SGK3: variants seen among roughly 807,000 people sequenced by gnomAD.
SGK3 encodes serine/threonine-protein kinase Sgk3.
A neutral mutation model predicts 68.5 loss-of-function variants in SGK3; 47 were observed. The ratio of observed to expected loss-of-function variants is 0.69; its 90% confidence interval spans 0.54 to 0.87. The LOEUF (loss-of-function observed/expected upper bound fraction) is 0.87. SGK3 is among the 40% of genes least tolerant of loss of function. SGK3 has a pLI of 0.00. For synonymous variants in SGK3, 181 were observed against 189.1 expected (o/e 0.96, Z 0.35); for missense variants, 479 against 575.5 (o/e 0.83, Z 1.72).
chr8:66,795,255 T>C (rs985089839), intron 2 of SGK3, among the ~76,000 whole-genome samples: 2 of 152,190 alleles, frequency 1.3e-5, no homozygotes, highest in South Asian at 4.1e-4. Flanking sequence ...CTCTGTCCTC[T>C]CTTCCTTAAC....
At chr8:66,840,985 T>A in intron 12 of SGK3, 39 bp from the exon 13 acceptor site, 2 of 1,423,576 alleles carry the variant, frequency 1.4e-6, no homozygotes, top group Non-Finnish European at 1.9e-6. Flanking sequence ...CAATTCATAT[T>A]TATGCATTGT....
chr8:66,751,711 G>A (rs1805822465), intron 1 of SGK3, among the ~76,000 whole-genome samples: 1 of 151,670 alleles, frequency 6.6e-6, no homozygotes, highest in Admixed American at 6.6e-5. Context: ...GTACACAATA[G>A]GAATAATCTC....
intron 1 of SGK3, among the ~76,000 whole-genome samples, chr8:66,741,527 A>G (rs1009416428): frequency 1.3e-5 from 2 of 151,898 alleles, no homozygotes; most frequent in African/African-American, 4.8e-5. Context: ...TCCAGCCTGG[A>G]CGACAGAGCA....
chr8:66,798,447 A>G (rs2130590986), intron 2 of SGK3, 95 bp from the exon 3 acceptor site: 11 of 1,227,402 alleles, frequency 9.0e-6, no homozygotes, highest in Middle Eastern at 2.9e-4. Flanking sequence ...GTCTCAAAAA[A>G]AAAAAAAAAT....
At chr8:66,798,430 C>A in intron 2 of SGK3, 112 bp from the exon 3 acceptor site, 1 of 818,344 alleles carries the variant, frequency 1.2e-6, no homozygotes, top group Non-Finnish European at 1.9e-6. Flanking sequence ...GGTGAAAGAG[C>A]CAGACTGTCT....
chr8:66,844,390 GCAGT>G (rs1809923688), intron 14 of SGK3, among the ~76,000 whole-genome samples: 1 of 152,280 alleles, frequency 6.6e-6, no homozygotes, highest in African/African-American at 2.4e-5. Context: ...TGATGTTTAT[GCAGT>G]CAGTTTGCCC....
intron 3 of SGK3, among the ~76,000 whole-genome samples, chr8:66,801,939 A>C (rs1409949858): frequency 6.6e-6 from 1 of 152,262 alleles, no homozygotes; most frequent in Non-Finnish European, 1.5e-5. Context: ...AAAATAAAAT[A>C]GGAAAACTTG....
At chr8:66,849,027 A>AC (rs536361259) in intron 15 of SGK3, among the ~76,000 whole-genome samples, 15 of 152,174 alleles carry the variant, frequency 9.9e-5, no homozygotes, top group South Asian at 6.2e-4. Flanking sequence ...GTATTTCTGG[A>AC]CCGTTCTCCA....
chr8:66,771,945 G>A (rs1806523560), intron 1 of SGK3, among the ~76,000 whole-genome samples: 1 of 150,216 alleles, frequency 6.7e-6, no homozygotes, highest in Non-Finnish European at 1.5e-5. Flanking sequence ...GTAACTGCCA[G>A]TCAAAGCATT....
intron 1 of SGK3, among the ~76,000 whole-genome samples, chr8:66,789,660 G>T (rs1807355563): frequency 6.6e-6 from 1 of 152,188 alleles, no homozygotes; most frequent in Non-Finnish European, 1.5e-5. Flanking sequence ...CTAGTATCCA[G>T]TAACGCTTGG....
At chr8:66,779,597 T>A (rs1488418534) in intron 1 of SGK3, among the ~76,000 whole-genome samples, 1 of 117,360 alleles carries the variant, frequency 8.5e-6, no homozygotes, top group African/African-American at 3.9e-5. Context: ...TATATATATA[T>A]ATATAAAACA....
chr8:66,846,085 T>G (rs573492246), intron 14 of SGK3, among the ~76,000 whole-genome samples: 5 of 151,248 alleles, frequency 3.3e-5, no homozygotes, highest in East Asian at 3.9e-4. Context: ...ATAAATTGGG[T>G]TTTTTTTTGT....
rs1809502327 is a variant in SGK3, at chr8:66,835,801, T to C, written c.564T>C (p.Tyr188=). 6.2e-7 allele frequency: 1 copy of C among 1,612,744 alleles called. No individual in the cohort carries two copies. Among genetic ancestry groups the C allele is most frequent in the Non-Finnish European group, 8.5e-7 (1 of 1,179,682 alleles). Residue 188 remains tyrosine (Y), a synonymous_variant, in exon 9 of 17, where the codon TAT becomes TAC. Transcript: ENST00000521198. ...AACGGAAACTGGATGGAAAATTTTATGCTGTCAAAGTGTTACAGAAAAAAA... is the reference window on the plus strand; with the variant it reads ...AACGGAAACTGGATGGAAAATTTTACGCTGTCAAAGTGTTACAGAAAAAAA... The part of the protein sequence containing the change: ...LAKRKLDGKF[Y]AVKVLQKKIV...
At chr8:66,856,109 C>T (rs974646549) in intron 16 of SGK3, among the ~76,000 whole-genome samples, 3 of 151,870 alleles carry the variant, frequency 2.0e-5, no homozygotes, top group Non-Finnish European at 2.9e-5. Context: ...GCTCTGTCAC[C>T]CAGGCTGGAG....
chr8:66,729,425 C>T (rs552086153), intron 1 of SGK3, among the ~76,000 whole-genome samples: 2 of 151,804 alleles, frequency 1.3e-5, no homozygotes, highest in Non-Finnish European at 2.9e-5. Flanking sequence ...CACTGCACTC[C>T]AGTCTGGGCG....
intron 1 of SGK3, among the ~76,000 whole-genome samples, chr8:66,783,604 A>G (rs1585710202): frequency 6.6e-6 from 1 of 152,034 alleles, no homozygotes; most frequent in Non-Finnish European, 1.5e-5. Context: ...TGCAACCTTC[A>G]CCTCCTGGGC....
intron 10 of SGK3, among the ~76,000 whole-genome samples, chr8:66,836,899 G>A (rs1191296465): frequency 6.7e-6 from 1 of 149,734 alleles, no homozygotes; most frequent in South Asian, 2.1e-4. Context: ...TTTTAAAACC[G>A]TGCAGTCCCC....
Position 66,759,939 on chromosome 8 carries a change from A to G in SGK3, c.-121-33677A>G, listed in dbSNP as rs566931001. On this transcript the variant is annotated intron_variant, in intron 1 of 16. Coordinates refer to ENST00000521198, the MANE Select transcript of SGK3 (RefSeq NM_001033578.3). Reference sequence around the variant, plus strand: ...CATTGGGTTTAGGGTTTACCTGGATAATCTGGGAAGATCTCCTCTCAAGAT... The same window carrying G: ...CATTGGGTTTAGGGTTTACCTGGATGATCTGGGAAGATCTCCTCTCAAGAT... Among the ~76,000 whole-genome samples the G allele has an allele frequency of 2.9e-4, 44 of 152,240 alleles. 1 individual carries two copies. The highest frequency in any genetic ancestry group is 5.0e-4 in the Non-Finnish European group (34 of 68,024).
Position 66,779,601 on chromosome 8 carries a change from T to TATAA in SGK3, c.-121-14014_-121-14013insTAAA, listed in dbSNP as rs1554598086. On this transcript the variant is annotated intron_variant, in intron 1 of 16. Transcript: ENST00000521198. The stretch of plus-strand genomic sequence containing the variant: ...ATATATATATATATATATATATATA[T>TATAA]AAAACACATTTTTTATATATATACG... Among the ~76,000 whole-genome samples the TATAA allele has an allele frequency of 9.0e-3, 933 of 104,038 alleles. 7 individuals carry two copies. The highest frequency in any genetic ancestry group is 0.012 in the Non-Finnish European group (663 of 53,834). 68.3% of individuals were successfully genotyped at this position (104,038 alleles called of 152,430 possible).
Sources: gnomAD v4.1 joint callset for allele counts (sites outside exome capture counted in the v4.1 genomes callset) on GRCh38, gnomAD v4.1.1 for gene constraint, MANE v1.5 for transcripts, NCBI Gene and HGNC (gene_info 2026-07-23, HGNC 2026-07-21) for gene names.